CACNA1C: variants seen among roughly 807,000 people sequenced by gnomAD.
CACNA1C encodes the protein calcium voltage-gated channel subunit alpha1 C.
CACNA1C carries 30 observed loss-of-function variants against 229.0 expected under a neutral mutation model. The ratio of observed to expected loss-of-function variants is 0.13; its 90% CI spans 0.10 to 0.18. The LOEUF (loss-of-function observed/expected upper bound fraction) is 0.18. Among genes scored for constraint, CACNA1C ranks in the 10% least tolerant of loss-of-function variants. CACNA1C has a pLI of 1.00. For synonymous variants in CACNA1C, 1,114 were observed against 1,132.5 expected (o/e 0.98, Z 0.33); for missense variants, 1,658 against 2,845.0 (o/e 0.58, Z 9.49).
rs545026378 is a variant in CACNA1C, at chr12:2,617,450, C to T, written c.3828+5437C>T. Among the ~76,000 whole-genome samples the T allele has an allele frequency of 2.2e-4, 34 of 152,304 alleles. 1 individual carries two copies. The highest frequency in any genetic ancestry group is 2.0e-3 in the Admixed American group (30 of 15,304). On this transcript the variant is annotated intron_variant, in intron 29 of 46. Coordinates refer to ENST00000399655, the MANE Select transcript of CACNA1C (RefSeq NM_000719.7). Reference sequence around the variant, plus strand: ...TGGAGTTCGTGTGCCAAAACCAGCCCACTCTGCATCGTGAAGGCTCTGAGC... The same window carrying T: ...TGGAGTTCGTGTGCCAAAACCAGCCTACTCTGCATCGTGAAGGCTCTGAGC...
In CACNA1C at chr12:2,502,801, A is replaced by G. The variant is rs540610688; in HGVS notation, c.1114-2041A>G. Reference sequence around the variant, plus strand: ...TGTGGCTGCTGAAGCTGCAAAGCCCAAGGGCTGAGGGTATTACTATCCCAC... The same window carrying G: ...TGTGGCTGCTGAAGCTGCAAAGCCCGAGGGCTGAGGGTATTACTATCCCAC... On this transcript the variant is annotated intron_variant, in intron 7 of 46. Transcript: ENST00000399655. Among the ~76,000 whole-genome samples, 238 of 152,354 alleles carry G rather than the reference A, an allele frequency of 1.6e-3. 1 individual carries two copies. Among genetic ancestry groups the G allele is most frequent in the African/African-American group, 5.3e-3 (220 of 41,588 alleles).
At chr12:2,090,016 G>A (rs1372393691) in intron 1 of CACNA1C, among the ~76,000 whole-genome samples, 2 of 152,070 alleles carry the variant, frequency 1.3e-5, no homozygotes, top group Non-Finnish European at 2.9e-5. Flanking sequence ...GTGACAGTGT[G>A]AGACTCCGTC....
At chr12:2,135,598 T>G (rs1383868670) in intron 3 of CACNA1C, among the ~76,000 whole-genome samples, 3 of 136,488 alleles carry the variant, frequency 2.2e-5, no homozygotes, top group African/African-American at 6.6e-5. Flanking sequence ...TGCTGGGGGG[T>G]GCCTCCCAGT....
Position 2,585,489 on chromosome 12 carries a change from C to G in CACNA1C, c.2453C>G (p.Ala818Gly), listed in dbSNP as rs1044841359. ...ACGGCTGACGGAGAGTCTCCACCCG[C>G]CACCAAGGTGAGGAGCTGTCTCCTT... ...SITADGESPP[A>G]TKINMDDLQP... Residue 818 changes from alanine to glycine, a missense_variant, in exon 17 of 47, where the codon GCC becomes GGC. Ala to Gly is a moderately conservative substitution (Grantham distance 60). Around this residue, in one of 20 missense-constraint regions of CACNA1C, gnomAD observed 121 missense variants for 128.8 expected, o/e 0.94. Transcript: ENST00000399655. The surrounding 1 kb of genome is among the most constrained non-coding windows in gnomAD (Gnocchi z 4.1). 4 of 1,560,074 alleles carry G rather than the reference C, an allele frequency of 2.6e-6. No individual in the cohort carries two copies. The highest frequency in any genetic ancestry group is 1.9e-5 in the Admixed American group (1 of 51,858).
rs988035204 is a variant in CACNA1C at position 2,666,861 on chromosome 12, G to A, written c.4623+79G>A. 1 of 841,730 alleles carries A rather than the reference G, an allele frequency of 1.2e-6. No individual in the cohort carries two copies. The highest frequency in any genetic ancestry group is 1.7e-5 in the African/African-American group (1 of 59,874). 52.1% of individuals were successfully genotyped at this position (841,730 alleles called of 1,614,324 possible). A position where few individuals can be genotyped will look rare whatever the true frequency, so the allele number is the denominator to read the frequency against. ...GCCCATTTCTTGTGATCCTTTAAGG[G>A]AATGAACATACTAGTTTATGTGCCT... On this transcript the variant is annotated intron_variant, in intron 37 of 46. Coordinates refer to ENST00000399655, the MANE Select transcript of CACNA1C (RefSeq NM_000719.7). The surrounding 1 kb of genome is among the most constrained non-coding windows in gnomAD (Gnocchi z 5.3).
intron 3 of CACNA1C, among the ~76,000 whole-genome samples, chr12:2,437,778 A>AGGTGGTGAT (rs1433997952): frequency 4.1e-5 from 6 of 145,636 alleles, no homozygotes; most frequent in African/African-American, 7.7e-5. Flanking sequence ...GAGATGGTAG[A>AGGTGGTGAT]GGTGGTGATG....
chr12:2,020,076 T>G (rs1013088936), intron 1 of CACNA1C: 1 of 152,170 alleles, frequency 6.6e-6, no homozygotes, highest in African/African-American at 2.4e-5. Context: ...CTCTCTCACA[T>G]GCACACATAA....
In CACNA1C at chr12:2,602,329, C is replaced by T. The variant is rs1252099850; in HGVS notation, c.2960+369C>T. Among the ~76,000 whole-genome samples the T allele has an allele frequency of 6.6e-6, 1 of 152,110 alleles. No homozygotes were observed. Among genetic ancestry groups the T allele is most frequent in the Non-Finnish European group, 1.5e-5 (1 of 68,034 alleles). On this transcript the variant is annotated intron_variant, in intron 22 of 46. Transcript: ENST00000399655. The surrounding 1 kb of genome is among the most constrained non-coding windows in gnomAD (Gnocchi z 4.4). ...TGCCACTGCCGTGACCTCCCCTGAC[C>T]TGGACCCTCCTTCTCCCTTTCTCTC... is the stretch of plus-strand genomic sequence containing the variant.
chr12:2,522,575 G>GA (rs2099812018), intron 9 of CACNA1C, among the ~76,000 whole-genome samples: 1 of 152,154 alleles, frequency 6.6e-6, no homozygotes, highest in Non-Finnish European at 1.5e-5. Context: ...CAGGAGAAGA[G>GA]AAAGCCGGGA....
At chr12:2,671,945 T>C (rs1322897693) in intron 38 of CACNA1C, among the ~76,000 whole-genome samples, 1 of 152,184 alleles carries the variant, frequency 6.6e-6, no homozygotes, top group Non-Finnish European at 1.5e-5. Context: ...AGGGTGAGCC[T>C]TCATCAGACA....
chr12:2,007,898 C>T (rs771753928), intron 1 of CACNA1C, among the ~76,000 whole-genome samples: 19 of 152,126 alleles, frequency 1.2e-4, no homozygotes, highest in Non-Finnish European at 2.9e-5. Flanking sequence ...TGGCACTTAG[C>T]TCACTTTATC....
chr12:2,100,582 C>CAAA (rs71441677), intron 1 of CACNA1C, among the ~76,000 whole-genome samples: 6 of 66,468 alleles, frequency 9.0e-5, no homozygotes, highest in Non-Finnish European at 1.2e-4. Context: ...CTGTTTCTAC[C>CAAA]AAAAAAAAAA....
chr12:2,625,260 A>G (rs1421290194), intron 29 of CACNA1C, among the ~76,000 whole-genome samples: 3 of 152,234 alleles, frequency 2.0e-5, no homozygotes, highest in African/African-American at 7.2e-5. Context: ...AGTATTAGCT[A>G]TTACATTTAA....
At chr12:2,435,840 C>A (rs2099129274) in intron 3 of CACNA1C, among the ~76,000 whole-genome samples, 1 of 152,210 alleles carries the variant, frequency 6.6e-6, no homozygotes, top group Non-Finnish European at 1.5e-5. Context: ...CGAGGTCTTG[C>A]ACGCTTGCTG....
At chr12:2,588,221 G>A (rs992474971) in intron 18 of CACNA1C, among the ~76,000 whole-genome samples, 5 of 152,180 alleles carry the variant, frequency 3.3e-5, no homozygotes, top group Non-Finnish European at 5.9e-5. Context: ...ACCACGAATG[G>A]CAAAGATCCT....
rs2097849576 is a variant in CACNA1C at position 2,697,334 on chromosome 12, G to A, written c.*6135G>A. 6.6e-6 allele frequency: 1 copy of A among 152,226 alleles called. No individual in the cohort carries two copies. The highest frequency in any genetic ancestry group is 2.4e-5 in the African/African-American group (1 of 41,450). 9.4% of individuals were successfully genotyped at this position (152,226 alleles called of 1,614,324 possible). ...GGACAAGTCTGTGATGGTAGTGGAT[G>A]AGAATAACCCATGGCAAAACACGCA... On this transcript the variant is annotated 3_prime_UTR_variant, in exon 47 of 47. Transcript: ENST00000399655.
At chr12:2,543,863 A>G (rs1198374774) in intron 9 of CACNA1C, among the ~76,000 whole-genome samples, 1 of 152,230 alleles carries the variant, frequency 6.6e-6, no homozygotes, top group Non-Finnish European at 1.5e-5. Flanking sequence ...AGGATGTCAG[A>G]GCCAAAAGCT....
At chr12:2,324,398 G>A (rs1047625435) in intron 3 of CACNA1C, among the ~76,000 whole-genome samples, 1 of 152,210 alleles carries the variant, frequency 6.6e-6, no homozygotes, top group Non-Finnish European at 1.5e-5. Context: ...CGCCCTTGCT[G>A]CCCGAATCTC....
chr12:2,122,515 G>A (rs558885547), intron 3 of CACNA1C, among the ~76,000 whole-genome samples: 14 of 152,064 alleles, frequency 9.2e-5, no homozygotes, highest in Admixed American at 4.6e-4. Context: ...GAAACCCATC[G>A]CGAGTGCTGT....
Sources: allele counts gnomAD v4.1 joint callset (sites outside exome capture counted in the v4.1 genomes callset), GRCh38; gene constraint gnomAD v4.1.1; regional missense constraint gnomAD v4.1.1; non-coding constraint Gnocchi (gnomAD v3.1); transcripts MANE v1.5; gene names NCBI Gene and HGNC (gene_info 2026-07-23, HGNC 2026-07-21).